FCHSD2: variants seen among roughly 807,000 people sequenced by gnomAD.
The protein encoded by FCHSD2 is F-BAR and double SH3 domains protein 2.
In FCHSD2, 38 loss-of-function variants were observed where a neutral mutation model predicts 108.1. That is an observed-to-expected ratio of 0.35 (90% CI 0.27 to 0.46). The LOEUF is 0.46. Among genes scored for constraint, FCHSD2 ranks in the 20% least tolerant of loss-of-function variants. FCHSD2 has a pLI of 1.00. For missense variants in FCHSD2, 751 were observed against 897.8 expected, an observed-to-expected ratio of 0.84 and a Z score of 2.09; for synonymous variants, 279 against 314.7, an observed-to-expected ratio of 0.89 and a Z score of 1.20.
intron 3 of FCHSD2, among the ~76,000 whole-genome samples, chr11:73,070,933 A>G (rs1356604200): frequency 2.0e-5 from 3 of 152,152 alleles, no homozygotes; most frequent in African/African-American, 7.2e-5. Context: ...AGTAAAACCT[A>G]GAACAATTAA....
At chr11:73,116,521 A>G (rs529171919) in intron 2 of FCHSD2, among the ~76,000 whole-genome samples, 1 of 152,250 alleles carries the variant, frequency 6.6e-6, no homozygotes, top group Admixed American at 6.5e-5. Context: ...ATCAAAAGTC[A>G]TAATTCCTTC....
chr11:72,955,683 T>C (rs1396527753), intron 8 of FCHSD2, among the ~76,000 whole-genome samples: 1 of 152,128 alleles, frequency 6.6e-6, no homozygotes, highest in Non-Finnish European at 1.5e-5. Flanking sequence ...ATTTAGGAGC[T>C]CTGTGTCAGA....
chr11:72,944,312 C>T (rs1856478063), intron 8 of FCHSD2, among the ~76,000 whole-genome samples: 1 of 152,144 alleles, frequency 6.6e-6, no homozygotes, highest in Admixed American at 6.5e-5. Flanking sequence ...ATGATTATCT[C>T]AATAGATGCA....
At chr11:73,016,302 C>CAAA (rs113309736) in intron 3 of FCHSD2, among the ~76,000 whole-genome samples, 4 of 81,308 alleles carry the variant, frequency 4.9e-5, no homozygotes, top group African/African-American at 1.6e-4. Flanking sequence ...GGCTCTGTCT[C>CAAA]AAAAAAAAAA....
intron 5 of FCHSD2, among the ~76,000 whole-genome samples, chr11:72,994,478 G>A (rs1857483803): frequency 1.3e-5 from 2 of 152,116 alleles, no homozygotes; most frequent in Non-Finnish European, 2.9e-5. Flanking sequence ...AATTTACTCT[G>A]AGTCACACGG....
intron 5 of FCHSD2, among the ~76,000 whole-genome samples, chr11:72,999,468 C>T (rs532773028): frequency 9.9e-5 from 15 of 151,988 alleles, no homozygotes; most frequent in South Asian, 8.3e-4. Flanking sequence ...TACAGGTGCA[C>T]GCCACCACAC....
chr11:73,029,564 C>T (rs1858311141), intron 3 of FCHSD2, among the ~76,000 whole-genome samples: 1 of 152,122 alleles, frequency 6.6e-6, no homozygotes, highest in Admixed American at 6.5e-5. Flanking sequence ...CAAATGGGAC[C>T]CTATCTTGTG....
intron 3 of FCHSD2, among the ~76,000 whole-genome samples, chr11:73,019,926 A>T (rs568458888): frequency 7.9e-5 from 12 of 152,218 alleles, no homozygotes; most frequent in East Asian, 1.9e-4. Context: ...TTTTAAAAAA[A>T]TTTTTTTCAA....
chr11:72,993,724 C>T (rs1210872025), intron 5 of FCHSD2, among the ~76,000 whole-genome samples: 1 of 139,310 alleles, frequency 7.2e-6, no homozygotes, highest in Non-Finnish European at 1.5e-5. Context: ...CACATGGACA[C>T]AGGAAGGGGA....
intron 8 of FCHSD2, among the ~76,000 whole-genome samples, chr11:72,979,706 C>CT (rs1477868630): frequency 6.6e-5 from 10 of 152,158 alleles, no homozygotes; most frequent in Non-Finnish European, 1.0e-4. Context: ...CCCATGCCCA[C>CT]TTTCGCAAGA....
chr11:73,049,684 T>TAAAA (rs557262661), intron 3 of FCHSD2, among the ~76,000 whole-genome samples: 1 of 75,672 alleles, frequency 1.3e-5, no homozygotes, highest in South Asian at 4.4e-4. Flanking sequence ...TAGAGTATAA[T>TAAAA]AAAAAAAAAA....
At chr11:72,995,248 A>C (rs185180656) in intron 5 of FCHSD2, among the ~76,000 whole-genome samples, 15 of 152,276 alleles carry the variant, frequency 9.9e-5, no homozygotes, top group Admixed American at 9.8e-4. Context: ...TTTTCCCCCT[A>C]AATTGTAATA....
intron 9 of FCHSD2, among the ~76,000 whole-genome samples, chr11:72,912,541 A>G (rs1855784947): frequency 6.6e-6 from 1 of 151,918 alleles, no homozygotes; most frequent in Non-Finnish European, 1.5e-5. Context: ...TTTGTTGAGG[A>G]TTTTTGCATT....
chr11:73,126,198 G>T (rs1033853663), intron 2 of FCHSD2, among the ~76,000 whole-genome samples: 1 of 151,704 alleles, frequency 6.6e-6, no homozygotes. Context: ...AAATTAGCCA[G>T]GCATAGTCAT....
At chr11:73,039,925 G>GATA (rs35619417) in intron 3 of FCHSD2, among the ~76,000 whole-genome samples, 116,389 of 151,828 alleles carry the variant, frequency 0.77, 44,703 homozygotes, top group South Asian at 0.87. Flanking sequence ...TATTCATGAG[G>GATA]ATATCACAAA....
intron 8 of FCHSD2, among the ~76,000 whole-genome samples, chr11:72,965,035 C>T (rs924692083): frequency 1.2e-4 from 18 of 152,230 alleles, no homozygotes; most frequent in African/African-American, 3.9e-4. Flanking sequence ...ATGATCCGCC[C>T]GCCTTGGCCT....
chr11:72,945,136 C>T (rs1472433621), intron 8 of FCHSD2, among the ~76,000 whole-genome samples: 1 of 152,156 alleles, frequency 6.6e-6, no homozygotes, highest in Non-Finnish European at 1.5e-5. Flanking sequence ...ATCACACTAC[C>T]TGACTTCAAA....
intron 13 of FCHSD2, among the ~76,000 whole-genome samples, chr11:72,860,574 G>A (rs1227247413): frequency 2.6e-5 from 4 of 152,198 alleles, no homozygotes; most frequent in Non-Finnish European, 5.9e-5. Flanking sequence ...GCCAGGTGCA[G>A]TGGCTCACTC....
chr11:72,862,852 G>T (rs1854631555), intron 13 of FCHSD2, among the ~76,000 whole-genome samples: 1 of 152,170 alleles, frequency 6.6e-6, no homozygotes, highest in African/African-American at 2.4e-5. Context: ...TTAAGTCAGT[G>T]CAATACCGGC....
Sources: allele counts gnomAD v4.1 joint callset (sites outside exome capture counted in the v4.1 genomes callset), GRCh38; gene constraint gnomAD v4.1.1; transcripts MANE v1.5; gene names NCBI Gene and HGNC (gene_info 2026-07-23, HGNC 2026-07-21).